Variants in ZDHHC14 observed in about 807,000 individuals in gnomAD.
ZDHHC14 encodes the protein zDHHC palmitoyltransferase 14.
In ZDHHC14, 16 loss-of-function variants were observed where a neutral mutation model predicts 47.7. That is an observed-to-expected ratio of 0.34 (90% CI 0.23 to 0.51). The LOEUF (loss-of-function observed/expected upper bound fraction) is 0.51, where lower values mean the gene tolerates loss of function less well. Among genes scored for constraint, ZDHHC14 ranks in the 20% least tolerant of loss-of-function variants. ZDHHC14 has a pLI of 0.97. For missense variants in ZDHHC14, 515 were observed against 662.5 expected (o/e 0.78, Z 2.44); for synonymous variants, 293 against 278.9 (o/e 1.05, Z -0.50).
intron 2 of ZDHHC14, among the ~76,000 whole-genome samples, chr6:157,567,432 G>A (rs528798708): frequency 6.8e-4 from 104 of 152,262 alleles, no homozygotes; most frequent in Admixed American, 5.2e-3. Context: ...CTGTGGTTGC[G>A]GGCTTGGTTC....
At chr6:157,529,231 C>G (rs1781279236) in intron 1 of ZDHHC14, 2 of 154,084 alleles carry the variant, frequency 1.3e-5, no homozygotes, top group South Asian at 2.1e-4. Flanking sequence ...ACCCCACCCT[C>G]TCTTCACAGG....
chr6:157,661,775 A>G (rs1030234665), intron 8 of ZDHHC14, among the ~76,000 whole-genome samples: 3 of 152,180 alleles, frequency 2.0e-5, no homozygotes, highest in East Asian at 3.8e-4. Flanking sequence ...CTGAGATTCT[A>G]TTTCCTCTTG....
intron 1 of ZDHHC14, among the ~76,000 whole-genome samples, chr6:157,456,279 T>TA (rs1213156581): frequency 1.3e-5 from 2 of 152,162 alleles, no homozygotes; most frequent in Non-Finnish European, 2.9e-5. Flanking sequence ...CCTTCGATTT[T>TA]AGCATTTTCG....
intron 2 of ZDHHC14, among the ~76,000 whole-genome samples, chr6:157,577,036 C>T (rs1189406657): frequency 1.3e-5 from 2 of 152,058 alleles, no homozygotes; most frequent in African/African-American, 4.8e-5. Flanking sequence ...TCAAGTAGGC[C>T]CCAGTGTGTG....
At chr6:157,426,331 A>T (rs958126734) in intron 1 of ZDHHC14, among the ~76,000 whole-genome samples, 2 of 152,182 alleles carry the variant, frequency 1.3e-5, no homozygotes, top group Non-Finnish European at 2.9e-5. Context: ...ATTCACTGAG[A>T]TGGGGATTCC....
rs1778969181 is a variant in ZDHHC14, at chr6:157,676,210, G to GGCCCCAGGAAGCAGGGGGATGCT, written c.*3090_*3091insCCCAGGAAGCAGGGGGATGCTGC. ...GTGGCAGACAGACTGCATCCAGGAGGGCACAGTGACCTGTCACTCCGTTCT... is the reference window on the plus strand; with the variant it reads ...GTGGCAGACAGACTGCATCCAGGAGGGCCCCAGGAAGCAGGGGGATGCTGCACAGTGACCTGTCACTCCGTTCT... On this transcript the variant is annotated 3_prime_UTR_variant, in exon 9 of 9. Transcript: ENST00000359775. 3 of 152,342 alleles carry GGCCCCAGGAAGCAGGGGGATGCT rather than the reference G, an allele frequency of 2.0e-5. No individual in the cohort carries two copies. The highest frequency in any genetic ancestry group is 6.5e-5 in the Admixed American group (1 of 15,304). 9.4% of individuals were successfully genotyped at this position (152,342 alleles called of 1,614,324 possible).
intron 1 of ZDHHC14, among the ~76,000 whole-genome samples, chr6:157,419,007 G>A (rs1278303157): frequency 1.3e-5 from 2 of 152,234 alleles, no homozygotes; most frequent in African/African-American, 4.8e-5. Flanking sequence ...TGTAGTCCTT[G>A]TGATACAATT....
intron 1 of ZDHHC14, among the ~76,000 whole-genome samples, chr6:157,508,711 T>C (rs879315905): frequency 2.0e-5 from 3 of 151,986 alleles, no homozygotes; most frequent in East Asian, 1.9e-4. Context: ...TTTTCTTAGC[T>C]TTTGTATTAT....
intron 1 of ZDHHC14, among the ~76,000 whole-genome samples, chr6:157,409,300 G>A (rs1182549818): frequency 6.6e-6 from 1 of 152,220 alleles, no homozygotes; most frequent in Non-Finnish European, 1.5e-5. Flanking sequence ...GGCTGGATGG[G>A]ACATCAGGTG....
In ZDHHC14 at chr6:157,527,440, G is replaced by A. The variant is rs142961443; in HGVS notation, c.246-15145G>A. The stretch of plus-strand genomic sequence containing the variant: ...TCTCTTCAAAAAAGTGCTTTGCAGA[G>A]CTTGCTCTTATAGTCAGACAATATT... On this transcript the variant is annotated intron_variant, in intron 1 of 8. Coordinates refer to ENST00000359775, the MANE Select transcript of ZDHHC14 (RefSeq NM_024630.3). Among the ~76,000 whole-genome samples, 181 of 152,300 alleles carry A rather than the reference G, an allele frequency of 1.2e-3. 2 individuals carry two copies. In the East Asian group the frequency reaches 0.022, roughly 18 times the overall value.
intron 1 of ZDHHC14, among the ~76,000 whole-genome samples, chr6:157,455,634 G>A (rs1046806109): frequency 2.0e-5 from 3 of 152,188 alleles, no homozygotes; most frequent in African/African-American, 7.2e-5. Context: ...GCTGGTTAGA[G>A]CCTTGCAGCT....
rs1465239518 is a variant in ZDHHC14, at chr6:157,472,728, G to T, written c.246-69857G>T. The stretch of plus-strand genomic sequence containing the variant: ...CTCCACAAACTTACTACAGAAAAAT[G>T]AAGAAGGGCCTAATGGGAGAGGCAC... On this transcript the variant is annotated intron_variant, in intron 1 of 8. Transcript: ENST00000359775. Among the ~76,000 whole-genome samples the T allele has an allele frequency of 7.2e-5, 11 of 152,326 alleles. No homozygotes were observed. In the South Asian group the frequency reaches 1.9e-3, roughly 26 times the overall value.
At chr6:157,557,086 C>G (rs1188409522) in intron 2 of ZDHHC14, among the ~76,000 whole-genome samples, 1 of 152,230 alleles carries the variant, frequency 6.6e-6, no homozygotes, top group Non-Finnish European at 1.5e-5. Flanking sequence ...GGAGGCCGCT[C>G]AGCCCTCCAG....
chr6:157,396,482 TGG>T (rs1777524625), intron 1 of ZDHHC14, among the ~76,000 whole-genome samples: 4 of 152,336 alleles, frequency 2.6e-5, no homozygotes, highest in Admixed American at 2.6e-4. Flanking sequence ...CAGCTATATA[TGG>T]TCTATTTGTC....
At chr6:157,495,694 A>AT in intron 1 of ZDHHC14, among the ~76,000 whole-genome samples, 1 of 122,986 alleles carries the variant, frequency 8.1e-6, no homozygotes, top group Non-Finnish European at 1.7e-5. Flanking sequence ...GTTCGGGTTG[A>AT]ATTTTTTTTT....
intron 8 of ZDHHC14, among the ~76,000 whole-genome samples, chr6:157,668,818 T>C (rs1778667156): frequency 6.6e-6 from 1 of 152,242 alleles, no homozygotes; most frequent in Non-Finnish European, 1.5e-5. Context: ...CAAGAGCATT[T>C]CCAACAAGGT....
chr6:157,605,498 T>A, intron 3 of ZDHHC14, among the ~76,000 whole-genome samples: 2 of 152,190 alleles, frequency 1.3e-5, no homozygotes, highest in Non-Finnish European at 2.9e-5. Flanking sequence ...TACCAAGCAA[T>A]GGGCTGGAAA....
chr6:157,550,741 T>C (rs1472680338), intron 2 of ZDHHC14, among the ~76,000 whole-genome samples: 1 of 152,248 alleles, frequency 6.6e-6, no homozygotes, highest in African/African-American at 2.4e-5. Context: ...GTAGAATTGA[T>C]GAACTCCTCC....
chr6:157,389,739 A>C (rs1005591683), intron 1 of ZDHHC14, among the ~76,000 whole-genome samples: 25 of 152,200 alleles, frequency 1.6e-4, no homozygotes, highest in African/African-American at 6.0e-4. Context: ...CAAATAATGC[A>C]AGAAATAGAA....
Sources: gnomAD v4.1 joint callset for allele counts (sites outside exome capture counted in the v4.1 genomes callset) on GRCh38, gnomAD v4.1.1 for gene constraint, MANE v1.5 for transcripts, NCBI Gene and HGNC (gene_info 2026-07-23, HGNC 2026-07-21) for gene names.